SH3BP2: variants seen among roughly 807,000 people sequenced by gnomAD.
SH3BP2 encodes the protein SH3 domain-binding protein 2.
SH3BP2 carries 38 observed loss-of-function variants against 56.2 expected under a neutral mutation model. The ratio of observed to expected loss-of-function variants is 0.68; its 90% CI spans 0.52 to 0.89. The LOEUF is 0.89. SH3BP2 is among the 40% of genes least tolerant of loss of function. The pLI is 0.00. For synonymous variants in SH3BP2, 346 were observed against 316.7 expected (o/e 1.09, Z -0.98); for missense variants, 748 against 762.6 (o/e 0.98, Z 0.23).
At position 2,812,127 on chromosome 4, in the gene SH3BP2, A is replaced by G. The variant is rs577182445; in HGVS notation, c.-4-8487A>G. ...TGGGAGGGCAGGAGCAGTGGAAGGT[A>G]GGAGTTAAAACCCGGATGGTGGATG... is the stretch of plus-strand genomic sequence containing the variant. On this transcript the variant is annotated intron_variant, in intron 1 of 12. Coordinates refer to ENST00000503393, the MANE Select transcript of SH3BP2 (RefSeq NM_001122681.2). The G allele has an allele frequency of 2.9e-4, 382 of 1,335,848 alleles. 7 individuals are homozygous for G. In the South Asian group the frequency reaches 5.3e-3, roughly 18 times the overall value. 82.7% of individuals were successfully genotyped at this position (1,335,848 alleles called of 1,614,324 possible). A position where few individuals can be genotyped will look rare whatever the true frequency, so the allele number is the denominator to read the frequency against.
intron 5 of SH3BP2, 121 bp from the exon 6 acceptor site, chr4:2,827,109 G>A (rs544459683): frequency 5.6e-5 from 43 of 766,240 alleles, no homozygotes; most frequent in South Asian, 1.9e-4. Flanking sequence ...CAGTGTATCC[G>A]TGTGTGCATC....
chr4:2,806,110 G>A (rs902058380), intron 1 of SH3BP2, among the ~76,000 whole-genome samples: 2 of 152,260 alleles, frequency 1.3e-5, no homozygotes, highest in Non-Finnish European at 1.5e-5. Flanking sequence ...GCCAGGAGGA[G>A]GGGATTGAGC....
intron 1 of SH3BP2, among the ~76,000 whole-genome samples, chr4:2,799,704 G>A (rs1055247987): frequency 4.6e-5 from 7 of 152,226 alleles, no homozygotes; most frequent in Non-Finnish European, 8.8e-5. Context: ...GACCTACCCA[G>A]AGCCACCCTT....
At chr4:2,800,778 G>A (rs1723242925) in intron 1 of SH3BP2, among the ~76,000 whole-genome samples, 1 of 152,226 alleles carries the variant, frequency 6.6e-6, no homozygotes, top group African/African-American at 2.4e-5. Flanking sequence ...GGAGCAGTAA[G>A]GGCATTGGGG....
intron 2 of SH3BP2, 48 bp downstream of exon 2, chr4:2,820,801 G>C: frequency 1.3e-6 from 2 of 1,567,220 alleles, no homozygotes; most frequent in Non-Finnish European, 1.7e-6. Context: ...CATGGGGGCA[G>C]GGCTAGCCAT....
rs1025890778 is a variant in SH3BP2, at chr4:2,831,789, G to T, written c.1350+110G>T. 1.5e-6 allele frequency: 2 copies of T among 1,347,050 alleles called. No individual in the cohort carries two copies. The highest frequency in any genetic ancestry group is 1.4e-5 in the African/African-American group (1 of 69,236). 83.4% of individuals were successfully genotyped at this position (1,347,050 alleles called of 1,614,324 possible). A position where few individuals can be genotyped will look rare whatever the true frequency, so the allele number is the denominator to read the frequency against. ...AGACCGTCCTGAGCAAGGACCCCCC[G>T]AGAACCCGGGAGCCTAGGGGGACAC... On this transcript the variant is annotated intron_variant, in intron 9 of 12. Coordinates refer to ENST00000503393, the MANE Select transcript of SH3BP2 (RefSeq NM_001122681.2). This position sits in a 1 kb window ranked among gnomAD's most constrained non-coding sequence, Gnocchi z 4.1.
chr4:2,802,776 C>G (rs1405103681), intron 1 of SH3BP2, among the ~76,000 whole-genome samples: 28 of 151,612 alleles, frequency 1.8e-4, no homozygotes, highest in Admixed American at 1.8e-3. Context: ...AGCAGAAAGA[C>G]CTAACCCTCA....
rs1320467549 is a variant in SH3BP2, at chr4:2,810,924, CTCTG to C, written c.-4-9681_-4-9678del. On this transcript the variant is annotated intron_variant, in intron 1 of 12. Coordinates refer to ENST00000503393, the MANE Select transcript of SH3BP2 (RefSeq NM_001122681.2). The surrounding 1 kb of genome is among the most constrained non-coding windows in gnomAD (Gnocchi z 4.2). The stretch of plus-strand genomic sequence containing the variant: ...CTCTGTCCGTGCCCTCCTCGCTGCC[CTCTG>C]TCTGTCTGCCTGCTGTGGCCAGCCT... Among the ~76,000 whole-genome samples the C allele has an allele frequency of 6.6e-6, 1 of 152,262 alleles. No individual in the cohort carries two copies. Among genetic ancestry groups the C allele is most frequent in the East Asian group, 1.9e-4 (1 of 5,190 alleles).
chr4:2,820,495 G>A lies in SH3BP2; in HGVS notation c.-4-119G>A, dbSNP rs187004186. On this transcript the variant is annotated intron_variant, in intron 1 of 12. Coordinates refer to ENST00000503393, the MANE Select transcript of SH3BP2 (RefSeq NM_001122681.2). ...CCTCAGAAAAGGGGTTTCCTTGCCT[G>A]TCATGGCCCTACCCTCCAAGCTGTG... 8.7e-5 allele frequency: 117 copies of A among 1,338,008 alleles called. No homozygotes were observed. In the African/African-American group the frequency reaches 1.4e-3, roughly 16 times the overall value. 82.9% of individuals were successfully genotyped at this position (1,338,008 alleles called of 1,614,324 possible).
chr4:2,832,194 C>G, intron 10 of SH3BP2, 137 bp from the exon 11 acceptor site: 1 of 998,166 alleles, frequency 1.0e-6, no homozygotes, highest in Admixed American at 1.8e-5. Context: ...GTCAGCCTCA[C>G]GGCAGCCCGA....
chr4:2,826,983 GTA>G (rs1308324936), intron 5 of SH3BP2: 1 of 663,400 alleles, frequency 1.5e-6, no homozygotes, highest in Non-Finnish European at 2.8e-6. Context: ...GTTTGTCAGA[GTA>G]TGTGTGCATG....
intron 3 of SH3BP2, chr4:2,823,448 A>C: frequency 2.2e-6 from 1 of 459,428 alleles, no homozygotes; most frequent in Non-Finnish European, 4.4e-6. Flanking sequence ...GCTGGGCCCT[A>C]GGATTCCCTG....
At position 2,796,437 on chromosome 4, in the gene SH3BP2, C is replaced by G. The variant is rs552731715; in HGVS notation, c.-5+3299C>G. 57 of 985,556 alleles carry G rather than the reference C, an allele frequency of 5.8e-5. No individual in the cohort carries two copies. In the South Asian group the frequency reaches 2.4e-3, roughly 42 times the overall value. 61.1% of individuals were successfully genotyped at this position (985,556 alleles called of 1,614,324 possible). On this transcript the variant is annotated intron_variant, in intron 1 of 12. Transcript: ENST00000503393. ...TGCTTGGTTTCCCGGCCCCCGATCA[C>G]AGATCGTGCTGGAACTGCTGGCCCC...
intron 6 of SH3BP2, 125 bp downstream of exon 6, chr4:2,827,443 G>A (rs1724731465): frequency 1.7e-6 from 2 of 1,186,286 alleles, no homozygotes; most frequent in Non-Finnish European, 2.5e-6. Flanking sequence ...GCAGTGCGCA[G>A]TAGCATCCCT....
intron 3 of SH3BP2, chr4:2,823,691 G>A (rs1052734601): frequency 1.6e-5 from 6 of 363,768 alleles, no homozygotes; most frequent in African/African-American, 6.3e-5. Flanking sequence ...CTATCCCATC[G>A]GAGCCCTGCA....
Position 2,824,677 on chromosome 4 carries a change from A to G in SH3BP2, c.304A>G (p.Ser102Gly). The change falls in exon 4 of 13, where the codon AGC (serine) becomes GGC (glycine). Residue 102 changes from serine (S) to glycine (G), a missense_variant. Transcript: ENST00000503393. ...NVFPFKIIHI[S>G]KKHRTWFFSA... ...TTTCCCCTTCAAGATCATCCATATC[A>G]GCAAGAAGCACCGCACGTGGTTCTT... The G allele has an allele frequency of 6.2e-7, 1 of 1,614,062 alleles. No homozygotes were observed. Among genetic ancestry groups the G allele is most frequent in the Non-Finnish European group, 8.5e-7 (1 of 1,180,002 alleles).
rs113687850 is a variant in SH3BP2 at position 2,819,906 on chromosome 4, C to G, written c.-4-708C>G. Among the ~76,000 whole-genome samples the G allele has an allele frequency of 8.6e-3, 1,311 of 152,190 alleles. 14 individuals are homozygous for G. Among genetic ancestry groups the G allele is most frequent in the African/African-American group, 0.03 (1,250 of 41,502 alleles). On this transcript the variant is annotated intron_variant, in intron 1 of 12. Transcript: ENST00000503393. The stretch of plus-strand genomic sequence containing the variant: ...GGGCATGATGTTGGGTCCTGTGGGC[C>G]TGGGTTAGCCCCAAGGCAGTCACTG...
At chr4:2,804,448 C>A (rs1723447317) in intron 1 of SH3BP2, among the ~76,000 whole-genome samples, 2 of 152,214 alleles carry the variant, frequency 1.3e-5, no homozygotes, top group African/African-American at 4.8e-5. Flanking sequence ...AGCTTCCCAA[C>A]CAGCCTCCCC....
At chr4:2,816,272 C>A (rs1338418195) in intron 1 of SH3BP2, among the ~76,000 whole-genome samples, 3 of 152,182 alleles carry the variant, frequency 2.0e-5, no homozygotes, top group Non-Finnish European at 4.4e-5. Context: ...AACTCCTGAC[C>A]TCAGGTGATC....
Sources: allele counts gnomAD v4.1 joint callset (sites outside exome capture counted in the v4.1 genomes callset), GRCh38; gene constraint gnomAD v4.1.1; non-coding constraint Gnocchi (gnomAD v3.1); transcripts MANE v1.5; gene names NCBI Gene and HGNC (gene_info 2026-07-23, HGNC 2026-07-21).